The following PTPRK variants were observed in gnomAD, a reference collection of about 807,000 sequenced individuals.
PTPRK encodes the protein receptor-type tyrosine-protein phosphatase kappa.
A neutral mutation model predicts 178.0 loss-of-function variants in PTPRK; 75 were observed. The observed-to-expected ratio is 0.42, with a 90% confidence interval of 0.35 to 0.51. The LOEUF (loss-of-function observed/expected upper bound fraction) is 0.51, where lower values mean the gene tolerates loss of function less well. Among genes scored for constraint, PTPRK ranks in the 20% least tolerant of loss-of-function variants. The pLI is 0.02. For missense variants in PTPRK, 1,441 were observed against 1,797.8 expected, an observed-to-expected ratio of 0.80 and a Z score of 3.59; for synonymous variants, 637 against 620.6, an observed-to-expected ratio of 1.03 and a Z score of -0.39.
chr6:128,168,387 C>A (rs1470248852), intron 7 of PTPRK, among the ~76,000 whole-genome samples: 1 of 152,046 alleles, frequency 6.6e-6, no homozygotes, highest in Non-Finnish European at 1.5e-5. Flanking sequence ...AAAAGGATAA[C>A]TATCATATGA....
chr6:128,114,520 T>C (rs1392331816), intron 7 of PTPRK, among the ~76,000 whole-genome samples: 1 of 150,066 alleles, frequency 6.7e-6, no homozygotes, highest in African/African-American at 2.5e-5. Flanking sequence ...CTTGGAAGAA[T>C]GAGGCAAGAG....
In PTPRK at chr6:127,972,890, A is replaced by C. The variant is rs1774091917; in HGVS notation, c.4269+132T>G. 4.8e-6 allele frequency: 4 copies of C among 825,104 alleles called. No homozygotes were observed. In the African/African-American group the frequency reaches 6.9e-5, roughly 14 times the overall value. The allele number at this position is 825,104 out of a possible 1,614,324, so 51.1% of individuals were successfully genotyped here. A position where few individuals can be genotyped will look rare whatever the true frequency, so the allele number is the denominator to read the frequency against. On this transcript the variant is annotated intron_variant, in intron 29 of 29. Coordinates refer to ENST00000368226, the MANE Select transcript of PTPRK (RefSeq NM_002844.4). ...GGGGATGCTCAGCAATGTATTAATT[A>C]GGCAGGAAAGTCCCCACAACGTCTC...
At chr6:128,240,858 T>C (rs1249649919) in intron 4 of PTPRK, among the ~76,000 whole-genome samples, 1 of 152,198 alleles carries the variant, frequency 6.6e-6, no homozygotes, top group Non-Finnish European at 1.5e-5. Flanking sequence ...AAACTACCTT[T>C]TAAAACTGAA....
chr6:128,456,538 A>G (rs947790065), intron 1 of PTPRK, among the ~76,000 whole-genome samples: 3 of 150,546 alleles, frequency 2.0e-5, no homozygotes, highest in Non-Finnish European at 2.9e-5. Flanking sequence ...AAGGCAAAGT[A>G]CCAAAACACA....
At chr6:128,433,385 T>G (rs936735912) in intron 1 of PTPRK, among the ~76,000 whole-genome samples, 1 of 152,208 alleles carries the variant, frequency 6.6e-6, no homozygotes, top group Non-Finnish European at 1.5e-5. Context: ...ATATTGTCTT[T>G]CTGTGCCTGG....
chr6:128,416,806 G>A (rs919817892), intron 1 of PTPRK, among the ~76,000 whole-genome samples: 15 of 151,692 alleles, frequency 9.9e-5, no homozygotes, highest in Non-Finnish European at 1.9e-4. Context: ...ATTGCAGAAG[G>A]CCATCCACAG....
intron 13 of PTPRK, among the ~76,000 whole-genome samples, chr6:128,023,879 AG>A (rs1339300601): frequency 1.3e-5 from 2 of 149,930 alleles, no homozygotes; most frequent in Non-Finnish European, 3.0e-5. Flanking sequence ...CATGTTGTCC[AG>A]GTTTGTCTTG....
At chr6:128,236,343 C>CTTT (rs35553541) in intron 5 of PTPRK, among the ~76,000 whole-genome samples, 127 of 108,054 alleles carry the variant, frequency 1.2e-3, no homozygotes, top group Non-Finnish European at 1.5e-3. Flanking sequence ...TTCTAAATTT[C>CTTT]TTTTTTTTTT....
rs1018631207 is a variant in PTPRK at position 128,349,451 on chromosome 6, C to T, written c.224-27141G>A. Reference sequence around the variant, plus strand: ...AATGCTTTCATGATCTCTGCCTTATCTTCTCTTTTATTGTACCAAATATAA... The same window carrying T: ...AATGCTTTCATGATCTCTGCCTTATTTTCTCTTTTATTGTACCAAATATAA... On this transcript the variant is annotated intron_variant, in intron 2 of 29. Coordinates refer to ENST00000368226, the MANE Select transcript of PTPRK (RefSeq NM_002844.4). 3.9e-5 allele frequency among the ~76,000 whole-genome samples: 6 copies of T among 152,084 alleles called. No individual in the cohort carries two copies. In the East Asian group the frequency reaches 1.2e-3, roughly 29 times the overall value.
chr6:128,253,623 C>G (rs1816826175), intron 3 of PTPRK, among the ~76,000 whole-genome samples: 1 of 152,196 alleles, frequency 6.6e-6, no homozygotes, highest in South Asian at 2.1e-4. Context: ...TAAATTTCAG[C>G]ACCAACAGTC....
intron 4 of PTPRK, among the ~76,000 whole-genome samples, chr6:128,241,567 C>T (rs949874363): frequency 6.6e-6 from 1 of 152,128 alleles, no homozygotes; most frequent in East Asian, 1.9e-4. Context: ...ATTCACGGGC[C>T]CTATAAAATG....
At chr6:128,394,586 T>C (rs952451797) in intron 2 of PTPRK, among the ~76,000 whole-genome samples, 5 of 152,222 alleles carry the variant, frequency 3.3e-5, no homozygotes, top group Admixed American at 6.5e-5. Flanking sequence ...TAATTTCATA[T>C]GATTTGGGGA....
At chr6:128,374,560 T>C (rs960019464) in intron 2 of PTPRK, among the ~76,000 whole-genome samples, 12 of 152,118 alleles carry the variant, frequency 7.9e-5, no homozygotes, top group African/African-American at 2.9e-4. Flanking sequence ...ATGACTCCTA[T>C]CTTTCTCTCA....
At chr6:128,232,704 T>G (rs146509211) in intron 5 of PTPRK, among the ~76,000 whole-genome samples, 4 of 152,354 alleles carry the variant, frequency 2.6e-5, no homozygotes, top group African/African-American at 9.6e-5. Context: ...TCAAGATATA[T>G]TTGTGCCATG....
intron 3 of PTPRK, among the ~76,000 whole-genome samples, chr6:128,243,435 C>T (rs1814833124): frequency 7.6e-6 from 1 of 131,348 alleles, no homozygotes; most frequent in Non-Finnish European, 1.6e-5. Flanking sequence ...AGGAGGAGTA[C>T]TTGAGCCCAG....
intron 2 of PTPRK, among the ~76,000 whole-genome samples, chr6:128,377,308 A>G (rs1012170650): frequency 1.8e-4 from 28 of 152,244 alleles, no homozygotes; most frequent in Non-Finnish European, 4.0e-4. Context: ...CACATCTTAC[A>G]TGGATGGCAG....
chr6:128,520,262 C>A lies in PTPRK; in HGVS notation c.97G>T (p.Ala33Ser), dbSNP rs564496981. The A allele has an allele frequency of 1.3e-5, 20 of 1,594,304 alleles. No individual in the cohort carries two copies. Among genetic ancestry groups the A allele is most frequent in the Admixed American group, 5.2e-5 (3 of 57,558 alleles). Residue 33 changes from alanine (A) to serine (S), a missense_variant, in exon 1 of 30, where the codon GCA becomes TCA. By Grantham distance (99) the Ala-to-Ser change is moderately conservative. Coordinates refer to ENST00000368226, the MANE Select transcript of PTPRK (RefSeq NM_002844.4). ...LLGSAQGQFS[A>S]GGCTFDDGPG... is the part of the protein sequence containing the mutation. ...GGGACGCCCCCCGGCCACTCACCTG[C>A]GGAGAACTGGCCTTGGGCCGATCCC...
intron 13 of PTPRK, among the ~76,000 whole-genome samples, chr6:128,026,124 T>C (rs984849814): frequency 5.3e-5 from 8 of 152,170 alleles, no homozygotes; most frequent in Admixed American, 4.6e-4. Flanking sequence ...GCCTAAGTGA[T>C]GATATTGAGT....
intron 3 of PTPRK, among the ~76,000 whole-genome samples, chr6:128,311,127 C>A (rs1365141238): frequency 6.6e-6 from 1 of 151,988 alleles, no homozygotes; most frequent in Admixed American, 6.6e-5. Flanking sequence ...ACCTGATTAC[C>A]TTTCATAACA....
Sources: allele counts gnomAD v4.1 joint callset (sites outside exome capture counted in the v4.1 genomes callset), GRCh38; gene constraint gnomAD v4.1.1; transcripts MANE v1.5; gene names NCBI Gene and HGNC (gene_info 2026-07-23, HGNC 2026-07-21).